ARFGEF3: variants seen among roughly 807,000 people sequenced by gnomAD.
ARFGEF3 encodes brefeldin A-inhibited guanine nucleotide-exchange protein 3.
A neutral mutation model predicts 221.7 loss-of-function variants in ARFGEF3; 96 were observed. The observed-to-expected ratio is 0.43, with a 90% CI of 0.37 to 0.51. The LOEUF (loss-of-function observed/expected upper bound fraction) is 0.51, where lower values mean the gene tolerates loss of function less well. ARFGEF3 is among the 20% of genes least tolerant of loss of function. The probability of loss-of-function intolerance (pLI) is 0.00; values close to 1 mark genes in which losing one functional copy is unlikely to be tolerated. For synonymous variants in ARFGEF3, 1,145 were observed against 1,126.8 expected (o/e 1.02, Z -0.32); for missense variants, 2,410 against 2,789.9 (o/e 0.86, Z 3.07).
At chr6:138,287,656 T>C (rs1320246204) in intron 17 of ARFGEF3, among the ~76,000 whole-genome samples, 1 of 152,140 alleles carries the variant, frequency 6.6e-6, no homozygotes, top group Non-Finnish European at 1.5e-5. Flanking sequence ...ACTCGAGAAA[T>C]GGCTGATTTT....
At chr6:138,234,475 C>CAT (rs1554252494) in intron 5 of ARFGEF3, among the ~76,000 whole-genome samples, 71 of 148,196 alleles carry the variant, frequency 4.8e-4, no homozygotes, top group African/African-American at 1.6e-3. Context: ...CAGTTCACCC[C>CAT]GTGTGTGTGT....
rs932241527 is a variant in ARFGEF3, at chr6:138,255,739, C to T, written c.1074C>T (p.His358=). Residue 358 remains histidine, a synonymous_variant, in exon 10 of 34, where the codon CAC becomes CAT. Coordinates refer to ENST00000251691, the MANE Select transcript of ARFGEF3 (RefSeq NM_020340.5). ...HRVLLYPPPQ[H]RVEAIKIMKE... ...TGCTGCTCTACCCCCCACCCCAGCA[C>T]CGGGTGGAAGCCATCAAAATAATGA... The T allele has an allele frequency of 6.3e-7, 1 of 1,590,444 alleles. No individual in the cohort carries two copies. The highest frequency in any genetic ancestry group is 1.3e-5 in the African/African-American group (1 of 74,398).
chr6:138,275,607 G>C (rs1281772036), intron 12 of ARFGEF3, among the ~76,000 whole-genome samples: 7 of 152,204 alleles, frequency 4.6e-5, no homozygotes, highest in Admixed American at 3.9e-4. Context: ...AGCTGCATGT[G>C]GTGGTGCATG....
intron 2 of ARFGEF3, among the ~76,000 whole-genome samples, chr6:138,178,458 T>C (rs1311740601): frequency 6.6e-6 from 1 of 152,214 alleles, no homozygotes; most frequent in Non-Finnish European, 1.5e-5. Context: ...CCTTGAAGAC[T>C]GTGCTGAGAT....
chr6:138,299,862 C>T (rs188227928), intron 22 of ARFGEF3, among the ~76,000 whole-genome samples: 1 of 152,060 alleles, frequency 6.6e-6, no homozygotes, highest in African/African-American at 2.4e-5. Context: ...AAAGAGCACT[C>T]CAGGATTTAT....
intron 14 of ARFGEF3, among the ~76,000 whole-genome samples, chr6:138,281,821 A>G (rs1220757764): frequency 1.3e-5 from 2 of 152,318 alleles, no homozygotes; most frequent in Non-Finnish European, 2.9e-5. Context: ...TGGCTCGGCC[A>G]TAATGCCAAA....
intron 13 of ARFGEF3, among the ~76,000 whole-genome samples, 188 bp from the exon 14 acceptor site, chr6:138,279,811 G>A (rs2050045): frequency 6.6e-6 from 1 of 152,134 alleles, no homozygotes; most frequent in Non-Finnish European, 1.5e-5. Context: ...GGTGTCATCA[G>A]TGAAGGAAAC....
At chr6:138,254,678 C>T (rs1330539647) in intron 9 of ARFGEF3, among the ~76,000 whole-genome samples, 6 of 151,914 alleles carry the variant, frequency 3.9e-5, no homozygotes, top group Non-Finnish European at 7.4e-5. Context: ...TGCAGTGAGC[C>T]GAGATCGTGC....
At chr6:138,294,882 A>G (rs1016299982) in intron 20 of ARFGEF3, among the ~76,000 whole-genome samples, 9 of 152,212 alleles carry the variant, frequency 5.9e-5, no homozygotes, top group Non-Finnish European at 1.2e-4. Flanking sequence ...TGGACTGCAT[A>G]ACCTCTGAGG....
rs77756534 is a variant in ARFGEF3, at chr6:138,282,115, C to T, written c.2461+1951C>T. Among the ~76,000 whole-genome samples the T allele has an allele frequency of 0.028, 4,231 of 152,240 alleles. 471 individuals carry two copies. In the East Asian group the frequency reaches 0.39, roughly 14 times the overall value. On this transcript the variant is annotated intron_variant, in intron 14 of 33. Coordinates refer to ENST00000251691, the MANE Select transcript of ARFGEF3 (RefSeq NM_020340.5). ...AATTACAGGTGCCCACCACCATGCCCGGCTAATTTTTGTATTTTGAGTATA... is the reference window on the plus strand; with the variant it reads ...AATTACAGGTGCCCACCACCATGCCTGGCTAATTTTTGTATTTTGAGTATA...
chr6:138,286,679 C>G, intron 15 of ARFGEF3, 22 bp from the exon 16 acceptor site: 1 of 1,608,894 alleles, frequency 6.2e-7, no homozygotes, highest in Non-Finnish European at 8.5e-7. Flanking sequence ...TAGAAAATGA[C>G]ACACACCCCT....
chr6:138,187,252 TC>T (rs1191805248), intron 2 of ARFGEF3, among the ~76,000 whole-genome samples: 1 of 152,176 alleles, frequency 6.6e-6, no homozygotes, highest in African/African-American at 2.4e-5. Context: ...AAGTCAAACT[TC>T]CTAGAGCCTT....
chr6:138,219,794 G>A (rs1399682444), intron 4 of ARFGEF3, among the ~76,000 whole-genome samples: 5 of 139,850 alleles, frequency 3.6e-5, no homozygotes, highest in African/African-American at 9.3e-5. Context: ...ATAGATGTGC[G>A]TGTGTGTGTG....
intron 4 of ARFGEF3, among the ~76,000 whole-genome samples, chr6:138,220,464 A>G (rs1362430818): frequency 6.6e-6 from 1 of 152,154 alleles, no homozygotes; most frequent in Non-Finnish European, 1.5e-5. Context: ...GCCAATACAG[A>G]ATACTTCCTG....
At chr6:138,179,915 C>A (rs1313658394) in intron 2 of ARFGEF3, among the ~76,000 whole-genome samples, 1 of 152,100 alleles carries the variant, frequency 6.6e-6, no homozygotes, top group Non-Finnish European at 1.5e-5. Flanking sequence ...ATTCAAGCAA[C>A]CCTCCTGCCT....
At chr6:138,253,434 G>A (rs1339361208) in intron 8 of ARFGEF3, among the ~76,000 whole-genome samples, 1 of 152,192 alleles carries the variant, frequency 6.6e-6, no homozygotes, top group Non-Finnish European at 1.5e-5. Flanking sequence ...GTACATTCAA[G>A]ATCAAGGCGT....
chr6:138,167,669 T>C (rs1776747939), intron 1 of ARFGEF3, among the ~76,000 whole-genome samples: 1 of 152,222 alleles, frequency 6.6e-6, no homozygotes, highest in South Asian at 2.1e-4. Flanking sequence ...TGTTCACTTC[T>C]TTCTACCTCT....
intron 29 of ARFGEF3, 118 bp from the exon 30 acceptor site, chr6:138,323,553 G>T (rs1016534011): frequency 3.7e-6 from 3 of 803,664 alleles, no homozygotes; most frequent in Admixed American, 2.5e-5. Flanking sequence ...GGAGGTTGCA[G>T]TGAGCCAAGA....
intron 14 of ARFGEF3, among the ~76,000 whole-genome samples, chr6:138,283,024 C>T (rs1334886545): frequency 6.6e-6 from 1 of 151,890 alleles, no homozygotes; most frequent in African/African-American, 2.4e-5. Context: ...GCACTTCAGC[C>T]TGAGCAACAG....
Sources: gnomAD v4.1 joint callset for allele counts (sites outside exome capture counted in the v4.1 genomes callset) on GRCh38, gnomAD v4.1.1 for gene constraint, MANE v1.5 for transcripts, NCBI Gene and HGNC (gene_info 2026-07-23, HGNC 2026-07-21) for gene names.